The following MTHFD2 variants were observed in gnomAD, a reference collection of about 807,000 sequenced individuals.
MTHFD2 encodes bifunctional methylenetetrahydrofolate dehydrogenase/cyclohydrolase, mitochondrial.
Under a neutral mutation model 36.8 loss-of-function variants are expected in MTHFD2, and 26 were observed. The ratio of observed to expected loss-of-function variants is 0.71; its 90% CI spans 0.52 to 0.98. The LOEUF (loss-of-function observed/expected upper bound fraction) is 0.98. Among genes scored for constraint, MTHFD2 ranks in the 50% least tolerant of loss-of-function variants. The pLI, the probability that MTHFD2 is intolerant of heterozygous loss-of-function variation, is 0.00. For synonymous variants in MTHFD2, 164 were observed against 155.2 expected, an observed-to-expected ratio of 1.06 and a Z score of -0.42; for missense variants, 373 against 434.0, an observed-to-expected ratio of 0.86 and a Z score of 1.25.
chr2:74,198,842 G>A, intron 1 of MTHFD2, 100 bp downstream of exon 1: 2 of 1,130,940 alleles, frequency 1.8e-6, no homozygotes, highest in South Asian at 3.2e-5. Context: ...AGTCCTTCCC[G>A]AACATCTCCG....
intron 5 of MTHFD2, among the ~76,000 whole-genome samples, chr2:74,210,456 G>T: frequency 6.6e-6 from 1 of 152,136 alleles, no homozygotes; most frequent in East Asian, 1.9e-4. Flanking sequence ...TCTGTTAATT[G>T]GTTCTAAGGT....
In MTHFD2 at chr2:74,198,820, G is replaced by T. The variant is rs13001449; in HGVS notation, c.101+78G>T. 0.06 allele frequency: 78,075 copies of T among 1,306,178 alleles called. 2,679 individuals are homozygous for T. Among genetic ancestry groups the T allele is most frequent in the Non-Finnish European group, 0.069 (66,606 of 959,988 alleles). 80.9% of individuals were successfully genotyped at this position (1,306,178 alleles called of 1,614,324 possible). On this transcript the variant is annotated intron_variant, in intron 1 of 7. Transcript: ENST00000394053. The stretch of plus-strand genomic sequence containing the variant: ...CGAGGGGCACGCCGGGCCCCCGAGG[G>T]ACACCGAGGGAAGTCCTTCCCGAAC...
intron 1 of MTHFD2, among the ~76,000 whole-genome samples, chr2:74,203,843 CTAGTT>C (rs1171944961): frequency 0.11 from 8,762 of 80,132 alleles, 411 homozygotes; most frequent in Middle Eastern, 0.16. Flanking sequence ...AGATGCTCAT[CTAGTT>C]TAGTTTAGTT....
At chr2:74,207,483 A>G (rs976318595) in intron 2 of MTHFD2, among the ~76,000 whole-genome samples, 1 of 152,174 alleles carries the variant, frequency 6.6e-6, no homozygotes, top group African/African-American at 2.4e-5. Context: ...AAATAAGGTT[A>G]ATGAAGATTG....
intron 4 of MTHFD2, among the ~76,000 whole-genome samples, chr2:74,209,114 G>C (rs961255247): frequency 1.3e-5 from 2 of 151,824 alleles, no homozygotes; most frequent in African/African-American, 4.8e-5. Flanking sequence ...CAGGTGATCC[G>C]CCCCCTCAGC....
Position 74,215,115 on chromosome 2 carries a change from T to TA in MTHFD2, c.*874dup, listed in dbSNP as rs1225159415. The TA allele has an allele frequency of 1.3e-5, 2 of 152,662 alleles. No homozygotes were observed. Among genetic ancestry groups the TA allele is most frequent in the Non-Finnish European group, 2.9e-5 (2 of 68,044 alleles). 9.5% of individuals were successfully genotyped at this position (152,662 alleles called of 1,614,324 possible). ...GGGCAGCTTGGGTAAGTACGCAACT[T>TA]ACTTTTCCACCAAAGAACTGTCAGC... On this transcript the variant is annotated 3_prime_UTR_variant, in exon 8 of 8. Transcript: ENST00000394053.
chr2:74,206,102 G>T, intron 2 of MTHFD2: 1 of 436,876 alleles, frequency 2.3e-6, no homozygotes, highest in Non-Finnish European at 4.1e-6. Context: ...GGTATTCTCT[G>T]TGGCTTCTGG....
In MTHFD2 at chr2:74,216,278, A is replaced by G. The variant is rs1694442298; in HGVS notation, c.*2036A>G. 1 of 152,246 alleles carries G rather than the reference A, an allele frequency of 6.6e-6. No individual in the cohort carries two copies. The highest frequency in any genetic ancestry group is 1.5e-5 in the Non-Finnish European group (1 of 68,028). The allele number at this position is 152,246 out of a possible 1,614,324, so 9.4% of individuals were successfully genotyped here. A position where few individuals can be genotyped will look rare whatever the true frequency, so the allele number is the denominator to read the frequency against. On this transcript the variant is annotated 3_prime_UTR_variant, in exon 8 of 8. Coordinates refer to ENST00000394053, the MANE Select transcript of MTHFD2 (RefSeq NM_006636.4). ...GATTAAATTTTATTGAATTACAGTT[A>G]CAAGTGGAAAAAATGACTGACTTAC...
chr2:74,205,572 G>A, intron 1 of MTHFD2, 133 bp from the exon 2 acceptor site: 1 of 886,832 alleles, frequency 1.1e-6, no homozygotes, highest in East Asian at 2.7e-5. Context: ...TCAAACTCCT[G>A]GGCTCAAGCC....
chr2:74,209,807 T>G, intron 4 of MTHFD2, 135 bp from the exon 5 acceptor site: 1 of 569,794 alleles, frequency 1.8e-6, no homozygotes, highest in South Asian at 2.1e-5. Flanking sequence ...TGTTTTCTTT[T>G]AGCCCTTATT....
At chr2:74,213,921 T>C (rs1694368541) in intron 7 of MTHFD2, among the ~76,000 whole-genome samples, 158 bp from the exon 8 acceptor site, 1 of 152,226 alleles carries the variant, frequency 6.6e-6, no homozygotes, top group Non-Finnish European at 1.5e-5. Flanking sequence ...GTTATTTTAC[T>C]AGTGTGTTCA....
intron 2 of MTHFD2, among the ~76,000 whole-genome samples, chr2:74,206,878 T>C (rs1232023815): frequency 2.0e-5 from 3 of 151,636 alleles, no homozygotes; most frequent in Non-Finnish European, 4.4e-5. Flanking sequence ...CTGGCGAATT[T>C]TGTATTTTTA....
At chr2:74,199,852 C>T (rs1164172381) in intron 1 of MTHFD2, among the ~76,000 whole-genome samples, 2 of 152,030 alleles carry the variant, frequency 1.3e-5, no homozygotes, top group African/African-American at 4.8e-5. Flanking sequence ...GTGATTTGGT[C>T]GGTCATTAGA....
intron 1 of MTHFD2, among the ~76,000 whole-genome samples, chr2:74,199,245 C>G (rs1460032245): frequency 6.6e-6 from 1 of 152,134 alleles, no homozygotes; most frequent in East Asian, 1.9e-4. Context: ...TGCTCGGGGT[C>G]CCCGCGCCGC....
rs763227410 is a variant in MTHFD2 at position 74,198,780 on chromosome 2, G to T, written c.101+38G>T. 8 of 1,531,446 alleles carry T rather than the reference G, an allele frequency of 5.2e-6. No homozygotes were observed. The African/African-American group carries it at 9.7e-5, about 19-fold the overall frequency. The allele number at this position is 1,531,446 out of a possible 1,614,324, so 94.9% of individuals were successfully genotyped here. A position where few individuals can be genotyped will look rare whatever the true frequency, so the allele number is the denominator to read the frequency against. ...CAGAGCTCGGTCAGCGCGGAAAGCT[G>T]AGGGGAACGGAGGGCGAGGGGCACG... On this transcript the variant is annotated intron_variant, in intron 1 of 7. Coordinates refer to ENST00000394053, the MANE Select transcript of MTHFD2 (RefSeq NM_006636.4).
chr2:74,213,939 TTGAA>T (rs1161174337), intron 7 of MTHFD2, 136 bp from the exon 8 acceptor site: 3 of 848,632 alleles, frequency 3.5e-6, no homozygotes, highest in African/African-American at 1.7e-5. Flanking sequence ...TCACAAAACC[TTGAA>T]TGATGTAGAT....
chr2:74,213,779 G>A (rs1694365226), intron 7 of MTHFD2, among the ~76,000 whole-genome samples: 2 of 152,032 alleles, frequency 1.3e-5, no homozygotes, highest in Admixed American at 1.3e-4. Context: ...CTATAGGCAG[G>A]TATTGAGGTA....
chr2:74,203,901 G>GT lies in MTHFD2; in HGVS notation c.102-1801dup, dbSNP rs1558852909. ...GTTTAGTTTAGTTTAGTTTAGTTTA[G>GT]TTTAGTTAGTTTAGTTTAGTTTAGT... is the stretch of plus-strand genomic sequence containing the variant. On this transcript the variant is annotated intron_variant, in intron 1 of 7. Coordinates refer to ENST00000394053, the MANE Select transcript of MTHFD2 (RefSeq NM_006636.4). Among the ~76,000 whole-genome samples the GT allele has an allele frequency of 1.3e-3, 39 of 29,498 alleles. 1 individual carries two copies. Among genetic ancestry groups the GT allele is most frequent in the Admixed American group, 7.7e-3 (22 of 2,856 alleles). 19.4% of individuals were successfully genotyped at this position (29,498 alleles called of 152,430 possible). A position where few individuals can be genotyped will look rare whatever the true frequency, so the allele number is the denominator to read the frequency against.
At chr2:74,206,344 C>T (rs890477120) in intron 2 of MTHFD2, 1 of 154,322 alleles carries the variant, frequency 6.5e-6, no homozygotes, top group South Asian at 2.0e-4. Flanking sequence ...ACTCTGACTT[C>T]TGGGAAATAG....
Sources: allele counts gnomAD v4.1 joint callset (sites outside exome capture counted in the v4.1 genomes callset), GRCh38; gene constraint gnomAD v4.1.1; transcripts MANE v1.5; gene names NCBI Gene and HGNC (gene_info 2026-07-23, HGNC 2026-07-21).